The following DNAH6 variants were observed in gnomAD, a reference collection of about 807,000 sequenced individuals.
DNAH6 encodes the protein dynein axonemal heavy chain 6, also known as axonemal beta dynein heavy chain 6.
In DNAH6, 340 loss-of-function variants were observed where a neutral mutation model predicts 491.4. The observed-to-expected ratio is 0.69, with a 90% confidence interval of 0.63 to 0.76. The LOEUF (loss-of-function observed/expected upper bound fraction) is 0.76. Ranked by LOEUF, DNAH6 falls within the 30% of genes least tolerant of loss-of-function variation. The pLI is 0.00. For synonymous variants in DNAH6, 1,603 were observed against 1,686.1 expected (o/e 0.95, Z 1.21); for missense variants, 4,443 against 4,972.2 (o/e 0.89, Z 3.20).
chr2:84,524,360 C>T (rs1015364282), intron 2 of DNAH6, among the ~76,000 whole-genome samples: 2 of 151,908 alleles, frequency 1.3e-5, no homozygotes, highest in South Asian at 2.1e-4. Context: ...TGAGATGGGT[C>T]TCTTTAAGAC....
chr2:84,475,739 C>G, the DNAH6 span, among the ~76,000 whole-genome samples: 1 of 152,210 alleles, frequency 6.6e-6, no homozygotes, highest in African/African-American at 2.4e-5. Context: ...AGCTGTATTA[C>G]AGCATCTTGA....
At chr2:84,715,735 A>G in intron 58 of DNAH6, 108 bp downstream of exon 58, 1 of 1,038,322 alleles carries the variant, frequency 9.6e-7, no homozygotes, top group Non-Finnish European at 1.4e-6. Flanking sequence ...AGAGCACTAC[A>G]CATGAACCCT....
chr2:84,524,339 G>A (rs1421438448), intron 2 of DNAH6, among the ~76,000 whole-genome samples: 1 of 151,778 alleles, frequency 6.6e-6, no homozygotes, highest in African/African-American at 2.4e-5. Flanking sequence ...GTCCCTGGGT[G>A]TTACTGCATG....
chr2:84,606,109 A>T (rs183540634), intron 20 of DNAH6, among the ~76,000 whole-genome samples: 2 of 152,352 alleles, frequency 1.3e-5, no homozygotes, highest in Admixed American at 6.5e-5. Context: ...AATCTAATTC[A>T]TGTGTTTGGA....
chr2:84,783,699 T>C (rs1221480396), intron 65 of DNAH6, among the ~76,000 whole-genome samples: 1 of 152,216 alleles, frequency 6.6e-6, no homozygotes, highest in African/African-American at 2.4e-5. Flanking sequence ...GATATGTTGA[T>C]AAACAAAAGA....
chr2:84,647,127 G>A (rs983008551), intron 33 of DNAH6, among the ~76,000 whole-genome samples: 1 of 152,164 alleles, frequency 6.6e-6, no homozygotes, highest in African/African-American at 2.4e-5. Flanking sequence ...CATTACAGGT[G>A]TGAGCCACCG....
intron 11 of DNAH6, among the ~76,000 whole-genome samples, chr2:84,568,369 C>A (rs958817730): frequency 1.3e-4 from 20 of 152,122 alleles, no homozygotes; most frequent in African/African-American, 4.8e-4. Context: ...TATATATATA[C>A]CGTGGAATAC....
At chr2:84,529,416 A>C (rs1362898297) in intron 4 of DNAH6, among the ~76,000 whole-genome samples, 1 of 152,096 alleles carries the variant, frequency 6.6e-6, no homozygotes, top group African/African-American at 2.4e-5. Context: ...TATACCATAT[A>C]TTTTTAATCA....
Position 84,694,324 on chromosome 2 carries a change from C to T in DNAH6, c.7368C>T (p.Leu2456=). 1 of 1,552,362 alleles carries T rather than the reference C, an allele frequency of 6.4e-7. No individual in the cohort carries two copies. Among genetic ancestry groups the T allele is most frequent in the South Asian group, 1.2e-5 (1 of 84,058 alleles). The change falls in exon 46 of 77, where the codon CTC becomes CTT. Residue 2456 remains leucine, a synonymous_variant. Coordinates refer to ENST00000389394, the MANE Select transcript of DNAH6 (RefSeq NM_001370.2). Reference sequence around the variant, plus strand: ...TAGGAGGCACAGGAAAGCAGTCACTCACGAGACTTGCAGCTCATATATGCG... The same window carrying T: ...TAGGAGGCACAGGAAAGCAGTCACTTACGAGACTTGCAGCTCATATATGCG... ...VGVGGTGKQS[L]TRLAAHICGY...
At chr2:84,630,350 C>T (rs1688288977) in intron 29 of DNAH6, among the ~76,000 whole-genome samples, 1 of 152,050 alleles carries the variant, frequency 6.6e-6, no homozygotes, top group African/African-American at 2.4e-5. Context: ...ATACATATCT[C>T]CTGTTATGAT....
the DNAH6 span, among the ~76,000 whole-genome samples, chr2:84,497,419 C>G: frequency 6.6e-6 from 1 of 152,148 alleles, no homozygotes; most frequent in Non-Finnish European, 1.5e-5. Flanking sequence ...AATTCACATG[C>G]AAGTGTTTGT....
intron 64 of DNAH6, among the ~76,000 whole-genome samples, chr2:84,771,450 T>C (rs565411903): frequency 6.6e-6 from 1 of 151,852 alleles, no homozygotes; most frequent in African/African-American, 2.4e-5. Context: ...TGATGAAAGG[T>C]ATGAATCTAC....
At chr2:84,754,660 A>G (rs547280670) in intron 63 of DNAH6, among the ~76,000 whole-genome samples, 15 of 152,260 alleles carry the variant, frequency 9.9e-5, no homozygotes, top group South Asian at 4.1e-4. Context: ...CCTTATTCCA[A>G]TGTCACACCA....
intron 66 of DNAH6, among the ~76,000 whole-genome samples, 186 bp from the exon 67 acceptor site, chr2:84,785,424 A>G (rs1311813525): frequency 6.6e-6 from 1 of 152,200 alleles, no homozygotes; most frequent in Non-Finnish European, 1.5e-5. Flanking sequence ...GCCATTCCCT[A>G]TTCTCCCTGG....
rs1220103639 is a variant in DNAH6, at chr2:84,701,315, T to G, written c.8037T>G (p.Ser2679=). Residue 2679 remains serine, a synonymous_variant, in exon 49 of 77, where the codon TCT becomes TCG. Coordinates refer to ENST00000389394, the MANE Select transcript of DNAH6 (RefSeq NM_001370.2). ...ELINLYLSML[S]EKRKQIISAR... The stretch of plus-strand genomic sequence containing the variant: ...TCAATCTTTACCTGTCTATGCTGTC[T>G]GAAAAAAGGAAGCAGATTATTTCAG... The G allele has an allele frequency of 6.5e-7, 1 of 1,548,240 alleles. No homozygotes were observed. Among genetic ancestry groups the G allele is most frequent in the East Asian group, 2.4e-5 (1 of 40,838 alleles).
At chr2:84,785,783 C>A in intron 67 of DNAH6, 27 bp downstream of exon 67, 1 of 1,482,932 alleles carries the variant, frequency 6.7e-7, no homozygotes, top group Non-Finnish European at 9.0e-7. Flanking sequence ...TTTTCAATAG[C>A]AACAAGGAAG....
In DNAH6 at chr2:84,640,564, C is replaced by G; in HGVS notation, c.4956C>G (p.Val1652=). 6.5e-7 allele frequency: 1 copy of G among 1,548,714 alleles called. No individual in the cohort carries two copies. The highest frequency in any genetic ancestry group is 8.7e-7 in the Non-Finnish European group (1 of 1,145,820). ...TTGGCATGAGAGCTGTGAAGTCTGT[C>G]CTGGTCATGGCTGGGTAAGAAACCA... ...YDFGMRAVKS[V]LVMAGSLKRE... Residue 1652 remains valine (V), a synonymous_variant, in exon 32 of 77, where the codon GTC becomes GTG. Transcript: ENST00000389394.
At chr2:84,784,684 A>AG in intron 65 of DNAH6, 38 bp from the exon 66 acceptor site, 2 of 1,362,176 alleles carry the variant, frequency 1.5e-6, no homozygotes, top group Non-Finnish European at 2.0e-6. Context: ...CCAACTAAAC[A>AG]TTTTCCTTTT....
At position 84,525,641 on chromosome 2, in the gene DNAH6, C is replaced by A. The variant is rs1292668426; in HGVS notation, c.302C>A (p.Ala101Glu). The change falls in exon 3 of 77, where the codon GCA becomes GAA. Residue 101 changes from alanine (A) to glutamate (E), a missense_variant. Coordinates refer to ENST00000389394, the MANE Select transcript of DNAH6 (RefSeq NM_001370.2). ...CAGAACCGATTTCAGTTAATGACTG[C>A]AGGAATCATTAAACGTCCAGTAAGC... is the stretch of plus-strand genomic sequence containing the variant. ...HEQNRFQLMTAGIIKRPVSIA... is the reference protein window; with the variant it reads ...HEQNRFQLMTEGIIKRPVSIA... 9 of 1,550,530 alleles carry A rather than the reference C, an allele frequency of 5.8e-6. No individual in the cohort carries two copies. Among genetic ancestry groups the A allele is most frequent in the Non-Finnish European group, 7.0e-6 (8 of 1,146,284 alleles).
Sources: gnomAD v4.1 joint callset for allele counts (sites outside exome capture counted in the v4.1 genomes callset) on GRCh38, gnomAD v4.1.1 for gene constraint, MANE v1.5 for transcripts, NCBI Gene and HGNC (gene_info 2026-07-23, HGNC 2026-07-21) for gene names.